Variants in PCDH9 observed in about 807,000 individuals in gnomAD.
PCDH9 encodes the protein protocadherin-9.
PCDH9 carries 24 observed loss-of-function variants against 70.6 expected under a neutral mutation model. The observed-to-expected ratio is 0.34, with a 90% CI of 0.25 to 0.48. The LOEUF (loss-of-function observed/expected upper bound fraction) is 0.48, where lower values mean the gene tolerates loss of function less well. Among genes scored for constraint, PCDH9 ranks in the 20% least tolerant of loss-of-function variants. The pLI, the probability that PCDH9 is intolerant of heterozygous loss-of-function variation, is 0.99. For missense variants in PCDH9, 1,281 were observed against 1,503.6 expected (o/e 0.85, Z 2.45); for synonymous variants, 562 against 558.5 (o/e 1.01, Z -0.09).
chr13:66,952,551 G>A (rs532769303), intron 2 of PCDH9, among the ~76,000 whole-genome samples: 3 of 152,158 alleles, frequency 2.0e-5, no homozygotes, highest in East Asian at 1.9e-4. Flanking sequence ...AGAGTAGCAC[G>A]AAGCCAGACA....
At chr13:66,665,611 T>G (rs2078085735) in intron 3 of PCDH9, among the ~76,000 whole-genome samples, 1 of 152,182 alleles carries the variant, frequency 6.6e-6, no homozygotes. Flanking sequence ...TAACTTGCTT[T>G]GCTTTGCCTA....
chr13:66,934,541 CAA>C lies in PCDH9; in HGVS notation c.3037-30938_3037-30937del, dbSNP rs553566707. Among the ~76,000 whole-genome samples, 8 of 45,924 alleles carry C rather than the reference CAA, an allele frequency of 1.7e-4. No homozygotes were observed. In the South Asian group the frequency reaches 2.6e-3, roughly 15 times the overall value. The allele number at this position is 45,924 out of a possible 152,430, so 30.1% of individuals were successfully genotyped here. A position where few individuals can be genotyped will look rare whatever the true frequency, so the allele number is the denominator to read the frequency against. ...GGGTGACAATAGTGAAACTCAGTCC[CAA>C]AAAAAAAAAAAAAAGAAAAAGAAAA... On this transcript the variant is annotated intron_variant, in intron 2 of 4. Coordinates refer to ENST00000377865, the MANE Select transcript of PCDH9 (RefSeq NM_203487.3).
intron 3 of PCDH9, among the ~76,000 whole-genome samples, chr13:66,763,267 G>A (rs1007202726): frequency 3.3e-5 from 5 of 151,810 alleles, no homozygotes; most frequent in South Asian, 2.1e-4. Context: ...GAAAATAAAC[G>A]TACAACTTTG....
chr13:66,639,225 A>G (rs1376830121), intron 3 of PCDH9, among the ~76,000 whole-genome samples: 1 of 152,148 alleles, frequency 6.6e-6, no homozygotes, highest in Non-Finnish European at 1.5e-5. Context: ...TTGAGGATAG[A>G]GCTGTCAGCT....
chr13:66,872,434 A>G (rs1485982884), intron 3 of PCDH9, among the ~76,000 whole-genome samples: 1 of 151,684 alleles, frequency 6.6e-6, no homozygotes, highest in Non-Finnish European at 1.5e-5. Context: ...TTCAGCACAC[A>G]TCTAGCAAGG....
chr13:66,564,074 T>C (rs570588305), intron 4 of PCDH9, among the ~76,000 whole-genome samples: 2 of 152,258 alleles, frequency 1.3e-5, no homozygotes, highest in Admixed American at 1.3e-4. Context: ...AAAATTGTTA[T>C]TAAAATAAAC....
At chr13:67,077,343 G>T (rs1461167801) in intron 2 of PCDH9, among the ~76,000 whole-genome samples, 1 of 152,028 alleles carries the variant, frequency 6.6e-6, no homozygotes, top group Non-Finnish European at 1.5e-5. Context: ...TTTTGCCTCA[G>T]ATAGTCACTG....
chr13:66,467,377 T>C (rs1324466756), intron 4 of PCDH9, among the ~76,000 whole-genome samples: 4 of 152,022 alleles, frequency 2.6e-5, no homozygotes, highest in Non-Finnish European at 5.9e-5. Flanking sequence ...AAAGCCTCCA[T>C]GCATAGTCAG....
intron 2 of PCDH9, among the ~76,000 whole-genome samples, chr13:66,926,534 C>T (rs910778938): frequency 6.6e-6 from 1 of 152,060 alleles, no homozygotes; most frequent in African/African-American, 2.4e-5. Context: ...ACGATCTCTA[C>T]AACCAAGAAC....
chr13:66,491,961 G>C (rs2138535657), intron 4 of PCDH9, among the ~76,000 whole-genome samples: 1 of 152,156 alleles, frequency 6.6e-6, no homozygotes. Context: ...AGGTCACCTA[G>C]ACCTAAGCCA....
intron 2 of PCDH9, among the ~76,000 whole-genome samples, chr13:67,191,032 C>A (rs2088895796): frequency 6.6e-6 from 1 of 152,070 alleles, no homozygotes; most frequent in African/African-American, 2.4e-5. Flanking sequence ...CATATGTGAT[C>A]TACTAAGACT....
At chr13:66,829,894 T>C (rs2080895953) in intron 3 of PCDH9, among the ~76,000 whole-genome samples, 1 of 151,962 alleles carries the variant, frequency 6.6e-6, no homozygotes, top group Admixed American at 6.5e-5. Flanking sequence ...ATAGCTACTT[T>C]ACATTTGACC....
chr13:66,996,912 C>A (rs934713487), intron 2 of PCDH9, among the ~76,000 whole-genome samples: 2 of 152,050 alleles, frequency 1.3e-5, no homozygotes. Context: ...AAGAAAAGAA[C>A]AGAGAAAAAG....
chr13:67,076,535 G>A (rs1279515699), intron 2 of PCDH9, among the ~76,000 whole-genome samples: 1 of 152,036 alleles, frequency 6.6e-6, no homozygotes, highest in Non-Finnish European at 1.5e-5. Context: ...GCCGTGGGAG[G>A]ACTAAGTGGT....
intron 3 of PCDH9, among the ~76,000 whole-genome samples, chr13:66,717,451 C>CAAAAAAAAA (rs1246391058): frequency 2.0e-5 from 1 of 50,458 alleles, no homozygotes; most frequent in African/African-American, 1.1e-4. Context: ...GACTCTGTCT[C>CAAAAAAAAA]AAAAAAAAAA....
At position 66,980,616 on chromosome 13, in the gene PCDH9, TC is replaced by T. The variant is rs574439846; in HGVS notation, c.3037-77012del. Among the ~76,000 whole-genome samples the T allele has an allele frequency of 1.0e-3, 158 of 151,952 alleles. 1 individual carries two copies. The highest frequency in any genetic ancestry group is 2.4e-3 in the Admixed American group (36 of 15,278). On this transcript the variant is annotated intron_variant, in intron 2 of 4. Coordinates refer to ENST00000377865, the MANE Select transcript of PCDH9 (RefSeq NM_203487.3). ...ATATGTTTTTATTTTTCCATTACAA[TC>T]CTTATCACAATTTATAATCATATCT...
At chr13:66,554,557 A>G (rs940492805) in intron 4 of PCDH9, among the ~76,000 whole-genome samples, 1 of 152,108 alleles carries the variant, frequency 6.6e-6, no homozygotes, top group Non-Finnish European at 1.5e-5. Flanking sequence ...TAATAATTAT[A>G]TGTAGTTTAT....
chr13:66,843,038 C>G (rs2081142743), intron 3 of PCDH9, among the ~76,000 whole-genome samples: 1 of 152,156 alleles, frequency 6.6e-6, no homozygotes, highest in Admixed American at 6.5e-5. Context: ...CTATGTTAAG[C>G]TGACTGAAGG....
chr13:66,888,544 A>C (rs569662781), intron 3 of PCDH9, among the ~76,000 whole-genome samples: 25 of 147,636 alleles, frequency 1.7e-4, no homozygotes, highest in African/African-American at 2.4e-4. Flanking sequence ...GCCTGTCCCC[A>C]AAAAAAATAA....
Sources: gnomAD v4.1 joint callset for allele counts (sites outside exome capture counted in the v4.1 genomes callset) on GRCh38, gnomAD v4.1.1 for gene constraint, MANE v1.5 for transcripts, NCBI Gene and HGNC (gene_info 2026-07-23, HGNC 2026-07-21) for gene names.